Variants in NTRK2 observed in about 807,000 individuals in gnomAD.
NTRK2 encodes the protein BDNF/NT-3 growth factors receptor.
NTRK2 carries 13 observed loss-of-function variants against 94.5 expected under a neutral mutation model. The observed-to-expected ratio is 0.14, with a 90% confidence interval of 0.09 to 0.22. The LOEUF (loss-of-function observed/expected upper bound fraction) is 0.22. Ranked by LOEUF, NTRK2 falls within the 10% of genes least tolerant of loss-of-function variation. The probability of loss-of-function intolerance (pLI) is 1.00; values close to 1 mark genes in which losing one functional copy is unlikely to be tolerated. For missense variants in NTRK2, 639 were observed against 1,071.2 expected, an observed-to-expected ratio of 0.60 and a Z score of 5.63; for synonymous variants, 372 against 407.4, an observed-to-expected ratio of 0.91 and a Z score of 1.05.
intron 17 of NTRK2, among the ~76,000 whole-genome samples, chr9:84,968,110 C>T (rs530414067): frequency 9.1e-4 from 139 of 152,286 alleles, no homozygotes; most frequent in African/African-American, 3.2e-3. Flanking sequence ...CCCTCTCAGC[C>T]ATCTTCCAAT....
intron 13 of NTRK2, among the ~76,000 whole-genome samples, chr9:84,864,930 A>G (rs2075518412): frequency 6.6e-6 from 1 of 151,678 alleles, no homozygotes; most frequent in Non-Finnish European, 1.5e-5. Context: ...TAGTTGAGAC[A>G]GGGTTTCACC....
intron 12 of NTRK2, among the ~76,000 whole-genome samples, chr9:84,786,624 A>T (rs560860595): frequency 6.6e-6 from 1 of 152,300 alleles, no homozygotes; most frequent in South Asian, 2.1e-4. Context: ...GGAAAAACAA[A>T]AACCCTACGA....
At chr9:85,018,563 C>T (rs934831167) in intron 17 of NTRK2, among the ~76,000 whole-genome samples, 2 of 152,214 alleles carry the variant, frequency 1.3e-5, no homozygotes, top group Non-Finnish European at 1.5e-5. Context: ...AACAGGTCCT[C>T]TGTGTATGTC....
chr9:84,973,822 T>C (rs575781195), intron 17 of NTRK2, among the ~76,000 whole-genome samples: 62 of 152,254 alleles, frequency 4.1e-4, no homozygotes, highest in Admixed American at 3.8e-3. Context: ...AACCAAAATA[T>C]TGTCTTCACA....
intron 14 of NTRK2, among the ~76,000 whole-genome samples, chr9:84,891,961 T>C (rs1464626622): frequency 6.6e-6 from 1 of 152,082 alleles, no homozygotes; most frequent in Non-Finnish European, 1.5e-5. Flanking sequence ...GCCGGTATGA[T>C]ATCAAGATGG....
chr9:85,024,448 A>G lies in NTRK2; in HGVS notation c.*3011A>G, dbSNP rs931313398. Reference sequence around the variant, plus strand: ...GAAGTCATTGAATAGTTTTCCAAACACTTTCCATGTGTGTTAGCAAATTAT... The same window carrying G: ...GAAGTCATTGAATAGTTTTCCAAACGCTTTCCATGTGTGTTAGCAAATTAT... On this transcript the variant is annotated 3_prime_UTR_variant, in exon 19 of 19. Transcript: ENST00000277120. 8.6e-6 allele frequency: 2 copies of G among 232,940 alleles called. No individual in the cohort carries two copies. Among genetic ancestry groups the G allele is most frequent in the Non-Finnish European group, 1.7e-5 (2 of 117,926 alleles). 14.4% of individuals were successfully genotyped at this position (232,940 alleles called of 1,614,324 possible).
intron 12 of NTRK2, among the ~76,000 whole-genome samples, chr9:84,839,509 A>G (rs966680142): frequency 6.6e-6 from 1 of 152,220 alleles, no homozygotes; most frequent in Non-Finnish European, 1.5e-5. Context: ...TTTGATTCTC[A>G]TCTAAAGACA....
intron 12 of NTRK2, chr9:84,814,582 C>A: frequency 9.4e-7 from 1 of 1,065,908 alleles, no homozygotes; most frequent in South Asian, 4.5e-5. Flanking sequence ...AGATACTACA[C>A]AAGACCTGTG....
intron 14 of NTRK2, chr9:84,874,318 T>C (rs1046625043): frequency 1.4e-5 from 15 of 1,065,186 alleles, no homozygotes; most frequent in Non-Finnish European, 5.7e-6. Context: ...GAGTTTTTCT[T>C]GGATGTGAGG....
intron 5 of NTRK2, among the ~76,000 whole-genome samples, chr9:84,709,309 T>G (rs911637294): frequency 1.1e-4 from 16 of 152,232 alleles, no homozygotes; most frequent in Non-Finnish European, 1.5e-5. Context: ...ATTCCTTTCC[T>G]TCTTTATCCC....
chr9:84,687,300 C>T (rs1444680767), intron 2 of NTRK2, among the ~76,000 whole-genome samples: 3 of 152,204 alleles, frequency 2.0e-5, no homozygotes, highest in East Asian at 1.9e-4. Flanking sequence ...TTGGCTCTCA[C>T]GATAAGCCTA....
At chr9:84,980,543 G>A (rs934209064) in intron 17 of NTRK2, among the ~76,000 whole-genome samples, 1 of 152,170 alleles carries the variant, frequency 6.6e-6, no homozygotes, top group Non-Finnish European at 1.5e-5. Context: ...GCCTTGAGAA[G>A]ATAATGATTA....
intron 13 of NTRK2, among the ~76,000 whole-genome samples, chr9:84,866,866 G>A (rs2075620428): frequency 6.6e-6 from 1 of 152,172 alleles, no homozygotes; most frequent in African/African-American, 2.4e-5. Flanking sequence ...CCACACAATG[G>A]AGTATTATTA....
intron 14 of NTRK2, among the ~76,000 whole-genome samples, chr9:84,879,448 G>A (rs1024891612): frequency 2.0e-4 from 31 of 152,070 alleles, no homozygotes; most frequent in African/African-American, 7.2e-4. Context: ...AATGCCATGC[G>A]CTCTTTTTGT....
chr9:84,845,638 G>C (rs1408241714), intron 12 of NTRK2, among the ~76,000 whole-genome samples: 2 of 152,142 alleles, frequency 1.3e-5, no homozygotes, highest in African/African-American at 4.8e-5. Flanking sequence ...TGGAACTGGA[G>C]GCCATTATTC....
chr9:84,853,722 C>T (rs71506674), intron 12 of NTRK2, among the ~76,000 whole-genome samples: 1 of 152,160 alleles, frequency 6.6e-6, no homozygotes, highest in African/African-American at 2.4e-5. Flanking sequence ...CCCGTGTCCT[C>T]TCAGCTCTCA....
In NTRK2 at chr9:84,670,551, C is replaced by T; in HGVS notation, c.-198C>T. On this transcript the variant is annotated 5_prime_UTR_variant, in exon 2 of 19. Transcript: ENST00000277120. ...AAAGCGGTTCGCTATGCCGGGGCCA[C>T]TGTGAACCCTGCCGCCTGCCGGAAC... 1.6e-6 allele frequency: 1 copy of T among 626,322 alleles called. No homozygotes were observed. Among genetic ancestry groups the T allele is most frequent in the Non-Finnish European group, 2.8e-6 (1 of 353,952 alleles). 38.8% of individuals were successfully genotyped at this position (626,322 alleles called of 1,614,324 possible). A position where few individuals can be genotyped will look rare whatever the true frequency, so the allele number is the denominator to read the frequency against.
chr9:84,840,165 G>A (rs769710005), intron 12 of NTRK2, among the ~76,000 whole-genome samples: 28 of 151,720 alleles, frequency 1.8e-4, no homozygotes, highest in Admixed American at 3.3e-4. Flanking sequence ...TCTGCCTGGC[G>A]TCAGTCATGC....
At chr9:84,811,330 GAA>G in intron 12 of NTRK2, 1 of 1,064,548 alleles carries the variant, frequency 9.4e-7, no homozygotes, top group South Asian at 4.6e-5. Context: ...AGAAGAAGAA[GAA>G]AAAAAACAAG....
Sources: allele counts gnomAD v4.1 joint callset (sites outside exome capture counted in the v4.1 genomes callset), GRCh38; gene constraint gnomAD v4.1.1; transcripts MANE v1.5; gene names NCBI Gene and HGNC (gene_info 2026-07-23, HGNC 2026-07-21).